The following AGAP3 variants were observed in gnomAD, a reference collection of about 807,000 sequenced individuals.
AGAP3 encodes the protein arf-GAP with GTPase, ANK repeat and PH domain-containing protein 3.
A neutral mutation model predicts 96.9 loss-of-function variants in AGAP3; 24 were observed. That is an observed-to-expected ratio of 0.25 (90% CI 0.18 to 0.35). The LOEUF is 0.35. Among genes scored for constraint, AGAP3 ranks in the 10% least tolerant of loss-of-function variants. AGAP3 has a pLI of 1.00. For missense variants in AGAP3, 876 were observed against 1,254.2 expected, an observed-to-expected ratio of 0.70 and a Z score of 4.55; for synonymous variants, 563 against 536.1, an observed-to-expected ratio of 1.05 and a Z score of -0.69.
rs1223985044 is a variant in AGAP3, at chr7:151,109,894, C to A, written c.332-6899C>A. Among the ~76,000 whole-genome samples the A allele has an allele frequency of 2.0e-5, 3 of 152,252 alleles. No individual in the cohort carries two copies. The East Asian group carries it at 5.8e-4, about 29-fold the overall frequency. On this transcript the variant is annotated intron_variant, in intron 1 of 17. Coordinates refer to ENST00000397238, the MANE Select transcript of AGAP3 (RefSeq NM_031946.7). Reference sequence around the variant, plus strand: ...AGGAGCAGCTCCTTCTGTTGCTTGCCCGCTGCACGCCAGGCACCATGCGGC... The same window carrying A: ...AGGAGCAGCTCCTTCTGTTGCTTGCACGCTGCACGCCAGGCACCATGCGGC...
At chr7:151,127,331 C>T (rs756853275) in intron 9 of AGAP3, among the ~76,000 whole-genome samples, 3 of 152,164 alleles carry the variant, frequency 2.0e-5, no homozygotes, top group South Asian at 2.1e-4. Context: ...GATGCCATCG[C>T]GGGGCCTCTT....
At position 151,118,406 on chromosome 7, in the gene AGAP3, G is replaced by T. The variant is rs1416509907; in HGVS notation, c.841+62G>T. On this transcript the variant is annotated intron_variant, in intron 6 of 17. Transcript: ENST00000397238. The surrounding 1 kb of genome is among the most constrained non-coding windows in gnomAD (Gnocchi z 6.1). ...CGGCCCCAGTGCTGGCGATAGGAAG[G>T]CTCCCAGTGAGAGCAAGGCTGTGTG... is the stretch of plus-strand genomic sequence containing the variant. The T allele has an allele frequency of 5.6e-6, 9 of 1,595,536 alleles. No homozygotes were observed. The highest frequency in any genetic ancestry group is 2.7e-5 in the African/African-American group (2 of 74,626).
intron 9 of AGAP3, among the ~76,000 whole-genome samples, chr7:151,125,834 G>A (rs1160931999): frequency 6.6e-6 from 1 of 152,256 alleles, no homozygotes; most frequent in East Asian, 1.9e-4. Flanking sequence ...GTCGGCTGGC[G>A]GAGCTGGGAG....
rs1237831505 is a variant in AGAP3, at chr7:151,115,672, A to G, written c.332-1121A>G. The G allele has an allele frequency of 5.3e-6, 6 of 1,132,898 alleles. No homozygotes were observed. The Middle Eastern group carries it at 1.1e-3, about 206-fold the overall frequency. The allele number at this position is 1,132,898 out of a possible 1,614,324, so 70.2% of individuals were successfully genotyped here. A position where few individuals can be genotyped will look rare whatever the true frequency, so the allele number is the denominator to read the frequency against. On this transcript the variant is annotated intron_variant, in intron 1 of 17. Transcript: ENST00000397238. ...GGGGCGGGCCTGGGGGGCGTCTGGCAGAAAACAGCTCGCGGGAGAAAAGCC... is the reference window on the plus strand; with the variant it reads ...GGGGCGGGCCTGGGGGGCGTCTGGCGGAAAACAGCTCGCGGGAGAAAAGCC...
intron 1 of AGAP3, chr7:151,115,159 T>G (rs1585068782): frequency 9.6e-7 from 1 of 1,040,738 alleles, no homozygotes; most frequent in South Asian, 3.3e-5. Context: ...ATGACTTTCC[T>G]GGAGGTGAAC....
chr7:151,118,307 G>A lies in AGAP3; in HGVS notation c.804G>A (p.Ala268=), dbSNP rs771541285. 115 of 1,613,276 alleles carry A rather than the reference G, an allele frequency of 7.1e-5. 2 individuals carry two copies. The Middle Eastern group carries it at 4.5e-3, about 63-fold the overall frequency. ...LKRCTYYETC[A]TYGLNVERVF... is the part of the protein sequence containing the mutation. ...GGTGCACCTACTATGAGACGTGCGCGACCTACGGGCTCAATGTGGAGCGTG... is the reference window on the plus strand; with the variant it reads ...GGTGCACCTACTATGAGACGTGCGCAACCTACGGGCTCAATGTGGAGCGTG... The change falls in exon 6 of 18, where the codon GCG becomes GCA. Residue 268 remains alanine, a synonymous_variant. Coordinates refer to ENST00000397238, the MANE Select transcript of AGAP3 (RefSeq NM_031946.7). This position sits in a 1 kb window ranked among gnomAD's most constrained non-coding sequence, Gnocchi z 6.1.
intron 8 of AGAP3, chr7:151,123,143 C>T (rs1585087322): frequency 9.1e-7 from 1 of 1,101,100 alleles, no homozygotes; most frequent in Admixed American, 5.1e-5. Flanking sequence ...CCCCTCCCCT[C>T]CTCTGCTCCT....
chr7:151,140,204 T>G lies in AGAP3; in HGVS notation c.1804+88T>G, dbSNP rs961205222. On this transcript the variant is annotated intron_variant, in intron 13 of 17. Coordinates refer to ENST00000397238, the MANE Select transcript of AGAP3 (RefSeq NM_031946.7). This position sits in a 1 kb window ranked among gnomAD's most constrained non-coding sequence, Gnocchi z 5.4. ...CCTAAAAGTAACACCTATTTTTTAT[T>G]TTTTGTATTCAGTGGATTAAGCACT... The G allele has an allele frequency of 4.5e-6, 6 of 1,321,466 alleles. No homozygotes were observed. The highest frequency in any genetic ancestry group is 5.8e-6 in the Non-Finnish European group (6 of 1,029,218). The allele number at this position is 1,321,466 out of a possible 1,614,324, so 81.9% of individuals were successfully genotyped here.
At position 151,096,970 on chromosome 7, in the gene AGAP3, A is replaced by G. The variant is rs946878750; in HGVS notation, c.331+9898A>G. On this transcript the variant is annotated intron_variant, in intron 1 of 17. Transcript: ENST00000397238. This position sits in a 1 kb window ranked among gnomAD's most constrained non-coding sequence, Gnocchi z 4.4. ...TGGCTAATTTTTGTATTTTTTGTAG[A>G]GACGGGGTTTTACCATGTTGGCCAG... is the stretch of plus-strand genomic sequence containing the variant. Among the ~76,000 whole-genome samples, 2 of 151,470 alleles carry G rather than the reference A, an allele frequency of 1.3e-5. No homozygotes were observed. Among genetic ancestry groups the G allele is most frequent in the African/African-American group, 2.4e-5 (1 of 41,194 alleles).
intron 8 of AGAP3, chr7:151,123,359 A>C: frequency 9.6e-7 from 1 of 1,043,926 alleles, no homozygotes; most frequent in African/African-American, 1.7e-5. Flanking sequence ...GGCCACGCCG[A>C]CGCGCTCGGT....
At position 151,117,956 on chromosome 7, in the gene AGAP3, C is replaced by T. The variant is rs1390135269; in HGVS notation, c.706+179C>T. Reference sequence around the variant, plus strand: ...CTGAGGGCTTTTGCCCCCACTGAAACCTGCTGTCCCTGTGACTAGCAGGTC... The same window carrying T: ...CTGAGGGCTTTTGCCCCCACTGAAATCTGCTGTCCCTGTGACTAGCAGGTC... On this transcript the variant is annotated intron_variant, in intron 5 of 17. Coordinates refer to ENST00000397238, the MANE Select transcript of AGAP3 (RefSeq NM_031946.7). 1.1e-5 allele frequency: 10 copies of T among 947,980 alleles called. 1 individual carries two copies. The East Asian group carries it at 2.1e-4, about 20-fold the overall frequency. The allele number at this position is 947,980 out of a possible 1,614,324, so 58.7% of individuals were successfully genotyped here. A position where few individuals can be genotyped will look rare whatever the true frequency, so the allele number is the denominator to read the frequency against.
At chr7:151,122,751 A>G in intron 8 of AGAP3, 3 of 1,613,726 alleles carry the variant, frequency 1.9e-6, no homozygotes, top group Non-Finnish European at 2.5e-6. Flanking sequence ...CCAACTTTTC[A>G]TCAACAAAAA....
In AGAP3 at chr7:151,123,790, C is replaced by T. The variant is rs756522872; in HGVS notation, c.1129-4C>T. On this transcript the variant is annotated splice_polypyrimidine_tract_variant and splice_region_variant and intron_variant, in intron 8 of 17. Coordinates refer to ENST00000397238, the MANE Select transcript of AGAP3 (RefSeq NM_031946.7). ...TTTAACACGCCTCTTGTTTTCTCTT[C>T]CAGTCTCGGAAGGGTGCTGACCTGG... 1.1e-5 allele frequency: 18 copies of T among 1,612,990 alleles called. No individual in the cohort carries two copies. In the African/African-American group the frequency reaches 1.9e-4, roughly 17 times the overall value.
rs1800723894 is a variant in AGAP3, at chr7:151,139,122, G to A, written c.1666+809G>A. 6.6e-6 allele frequency among the ~76,000 whole-genome samples: 1 copy of A among 152,206 alleles called. No individual in the cohort carries two copies. The highest frequency in any genetic ancestry group is 6.5e-5 in the Admixed American group (1 of 15,288). The stretch of plus-strand genomic sequence containing the variant: ...TTTCCATGCCCTTGTCCTGAGTGAT[G>A]GTGTAATGACAGGAAGACCCAGGGT... On this transcript the variant is annotated intron_variant, in intron 12 of 17. Coordinates refer to ENST00000397238, the MANE Select transcript of AGAP3 (RefSeq NM_031946.7). This position sits in a 1 kb window ranked among gnomAD's most constrained non-coding sequence, Gnocchi z 4.9.
intron 8 of AGAP3, chr7:151,123,546 C>G: frequency 7.5e-7 from 1 of 1,328,824 alleles, no homozygotes; most frequent in Non-Finnish European, 9.6e-7. Context: ...CTCGGCCTCT[C>G]TGTCCTTGCT....
intron 10 of AGAP3, among the ~76,000 whole-genome samples, chr7:151,130,229 C>T (rs1800351414): frequency 6.6e-6 from 1 of 152,160 alleles, no homozygotes; most frequent in Non-Finnish European, 1.5e-5. Context: ...GTGCCCTCTG[C>T]CAACAGTGGA....
chr7:151,124,308 C>T (rs1350442717), intron 9 of AGAP3, among the ~76,000 whole-genome samples: 1 of 152,242 alleles, frequency 6.6e-6, no homozygotes, highest in East Asian at 1.9e-4. Context: ...ATAAGGGCCT[C>T]TGTTCGTCTT....
intron 1 of AGAP3, among the ~76,000 whole-genome samples, chr7:151,100,173 A>C (rs906029487): frequency 9.2e-5 from 14 of 152,058 alleles, no homozygotes; most frequent in African/African-American, 3.4e-4. Context: ...CCTGAGCCCA[A>C]CTCCGAGAGG....
chr7:151,109,491 C>T (rs1799195296), intron 1 of AGAP3, among the ~76,000 whole-genome samples: 1 of 152,234 alleles, frequency 6.6e-6, no homozygotes, highest in Admixed American at 6.5e-5. Context: ...CGTCTTCTCC[C>T]TGCATCTCTT....
Sources: gnomAD v4.1 joint callset for allele counts (sites outside exome capture counted in the v4.1 genomes callset) on GRCh38, gnomAD v4.1.1 for gene constraint, Gnocchi (gnomAD v3.1) non-coding constraint, MANE v1.5 for transcripts, NCBI Gene and HGNC (gene_info 2026-07-23, HGNC 2026-07-21) for gene names.